The following DUX4 variants were observed in gnomAD, a reference collection of about 807,000 sequenced individuals.
The protein encoded by DUX4 is double homeobox 4, also known as double homeobox protein 4.
At chr4:190,181,635 TGTAGG>T (rs1560882519) in intron 1 of DUX4, among the ~76,000 whole-genome samples, 59 of 5,412 alleles carry the variant, frequency 0.011, no homozygotes, top group African/African-American at 0.015. Context: ...GAAAGCCCCC[TGTAGG>T]CAGAGCCTAG....
chr4:190,175,944 A>C (rs1324912926), downstream of DUX4: 6 of 111,006 alleles, frequency 5.4e-5, 2 homozygotes, highest in Non-Finnish European at 1.1e-4. Context: ...TGATCAGTGC[A>C]GATGTGTTTC....
At chr4:190,179,850 A>ATG (rs1742516671), downstream of DUX4, among the ~76,000 whole-genome samples, 1 of 152,190 alleles carries the variant, frequency 6.6e-6, no homozygotes. Flanking sequence ...ATGTCACAAT[A>ATG]CCCCCTGTAA....
downstream of DUX4, among the ~76,000 whole-genome samples, chr4:190,179,693 C>T (rs2126579037): frequency 6.6e-6 from 1 of 152,304 alleles, no homozygotes; most frequent in Non-Finnish European, 1.5e-5. Context: ...ACCTCGGGAT[C>T]AGTGCAGAGA....
In DUX4 at chr4:190,183,337, G is replaced by C. The variant is rs1419972943; in HGVS notation, n.93-2004G>C. The C allele has an allele frequency of 1.7e-4, 18 of 108,212 alleles. 4 individuals are homozygous for C. Among genetic ancestry groups the C allele is most frequent in the Admixed American group, 4.7e-4 (4 of 8,510 alleles). 6.7% of individuals were successfully genotyped at this position (108,212 alleles called of 1,614,324 possible). A position where few individuals can be genotyped will look rare whatever the true frequency, so the allele number is the denominator to read the frequency against. On this transcript the variant is annotated intron_variant and non_coding_transcript_variant, in intron 1 of 2. Transcript: ENST00000563716. Reference sequence around the variant, plus strand: ...TTCCTGCTAAATCATGGACAAAACGGGTCCCCAGGAGCTACAGGCTGCAGA... The same window carrying C: ...TTCCTGCTAAATCATGGACAAAACGCGTCCCCAGGAGCTACAGGCTGCAGA...
chr4:190,182,985 ATTCGGG>A (rs1314678049), intron 1 of DUX4, among the ~76,000 whole-genome samples: 6 of 31,782 alleles, frequency 1.9e-4, no homozygotes, highest in African/African-American at 3.9e-4. Context: ...TCAAGTTTGG[ATTCGGG>A]TTCAGGTTAA....
chr4:190,179,578 A>G (rs1742504445), downstream of DUX4, among the ~76,000 whole-genome samples: 192 of 149,432 alleles, frequency 1.3e-3, no homozygotes, highest in Middle Eastern at 3.5e-3. Context: ...ATATGTCACA[A>G]TGCTGTGTAG....
chr4:190,179,704 T>C (rs1579835866), downstream of DUX4, among the ~76,000 whole-genome samples: 2,268 of 87,226 alleles, frequency 0.026, no homozygotes, highest in South Asian at 0.14. Flanking sequence ...AGTGCAGAGA[T>C]ATGTCTCAAT....
chr4:190,178,377 A>AG (rs1742421969), downstream of DUX4, among the ~76,000 whole-genome samples: 1 of 12,216 alleles, frequency 8.2e-5, no homozygotes, highest in Non-Finnish European at 2.5e-4. Context: ...AAGCCTAGGC[A>AG]AGAGTTACAT....
chr4:190,182,232 G>GAGGGTT (rs1742607247), intron 1 of DUX4: 1 of 130,134 alleles, frequency 7.7e-6, no homozygotes, highest in Non-Finnish European at 1.8e-5. Flanking sequence ...GGGTGAGGGT[G>GAGGGTT]AGGGTTAGGG....
At chr4:190,181,193 G>T (rs1742551417) in intron 1 of DUX4, among the ~76,000 whole-genome samples, 5,639 of 92,728 alleles carry the variant, frequency 0.061, 1 homozygote, top group South Asian at 0.064. Flanking sequence ...ACATCACCTG[G>T]GTGATCAGTG....
downstream of DUX4, among the ~76,000 whole-genome samples, chr4:190,178,971 CT>C (rs1742467870): frequency 4.7e-5 from 2 of 42,304 alleles, no homozygotes; most frequent in African/African-American, 7.8e-5. Flanking sequence ...ACAATGCCCC[CT>C]TAGGCAGAGC....
chr4:190,177,970 T>C (rs1579833555), downstream of DUX4, among the ~76,000 whole-genome samples: 52 of 150,736 alleles, frequency 3.4e-4, no homozygotes, highest in Admixed American at 5.3e-4. Context: ...AGACAAGAGT[T>C]ACATCACCTG....
chr4:190,178,751 A>G (rs1742448289), downstream of DUX4, among the ~76,000 whole-genome samples: 105 of 131,410 alleles, frequency 8.0e-4, no homozygotes, highest in African/African-American at 2.5e-3. Flanking sequence ...GAGCAAAGGT[A>G]TGTCACAAAG....
downstream of DUX4, among the ~76,000 whole-genome samples, chr4:190,176,906 T>C (rs1399728379): frequency 1.3e-3 from 158 of 117,886 alleles, 1 homozygote; most frequent in East Asian, 3.8e-3. Context: ...TGCAGTGATA[T>C]GTCACAAAAA....
chr4:190,176,268 T>C (rs1269688058), downstream of DUX4, among the ~76,000 whole-genome samples: 5 of 104,370 alleles, frequency 4.8e-5, 2 homozygotes, highest in African/African-American at 1.4e-4. Flanking sequence ...TTTTTACATC[T>C]CCTGAGTGAG....
At chr4:190,178,041 C>T (rs1579833707), downstream of DUX4, among the ~76,000 whole-genome samples, 2 of 52,440 alleles carry the variant, frequency 3.8e-5, no homozygotes, top group Admixed American at 1.9e-4. Flanking sequence ...ACAAGAGTTG[C>T]ATCACCTCGG....
chr4:190,178,126 G>A (rs1742405725), downstream of DUX4, among the ~76,000 whole-genome samples: 748 of 86,584 alleles, frequency 8.6e-3, 22 homozygotes, highest in African/African-American at 0.025. Flanking sequence ...CAGGTGATCC[G>A]TACAGAGTGA....
At chr4:190,180,042 GA>G (rs1742527222), downstream of DUX4, among the ~76,000 whole-genome samples, 1 of 133,482 alleles carries the variant, frequency 7.5e-6, no homozygotes, top group Non-Finnish European at 1.6e-5. Context: ...TCAGTGCAGA[GA>G]TATGTCACAT....
At chr4:190,178,932 CTCCTGGGTGATCAGTGCAGAAATACG>C (rs1742464795), downstream of DUX4, among the ~76,000 whole-genome samples, 51 of 143,234 alleles carry the variant, frequency 3.6e-4, no homozygotes, top group African/African-American at 4.5e-4. Context: ...AAGAGTCCGT[CTCCTGGGTGATCAGTGCAGAAATACG>C]TCACAATGCC....
Sources: gnomAD v4.1 joint callset for allele counts (sites outside exome capture counted in the v4.1 genomes callset) on GRCh38, gnomAD v4.1.1 for gene constraint, MANE v1.5 for transcripts, NCBI Gene and HGNC (gene_info 2026-07-23, HGNC 2026-07-21) for gene names.